Variants in ATP8A2 observed in about 807,000 individuals in gnomAD.
ATP8A2 encodes ATPase phospholipid transporting 8A2.
ATP8A2 carries 100 observed loss-of-function variants against 165.6 expected under a neutral mutation model. That is an observed-to-expected ratio of 0.60 (90% CI 0.51 to 0.71). ATP8A2 has a LOEUF of 0.71. ATP8A2 is among the 30% of genes least tolerant of loss of function. ATP8A2 has a pLI of 0.00. For missense variants in ATP8A2, 1,227 were observed against 1,479.5 expected, an observed-to-expected ratio of 0.83 and a Z score of 2.80; for synonymous variants, 543 against 548.8, an observed-to-expected ratio of 0.99 and a Z score of 0.15.
intron 33 of ATP8A2, among the ~76,000 whole-genome samples, chr13:25,865,973 A>G (rs937180581): frequency 8.5e-5 from 13 of 152,216 alleles, no homozygotes; most frequent in African/African-American, 3.1e-4. Context: ...ACCATGAGAT[A>G]AAATGGGTCC....
Position 26,023,966 on chromosome 13 carries a change from G to T in ATP8A2, c.*3981G>T. 6.6e-6 allele frequency: 1 copy of T among 152,118 alleles called. No individual in the cohort carries two copies. Among genetic ancestry groups the T allele is most frequent in the East Asian group, 1.9e-4 (1 of 5,194 alleles). The allele number at this position is 152,118 out of a possible 1,614,324, so 9.4% of individuals were successfully genotyped here. A position where few individuals can be genotyped will look rare whatever the true frequency, so the allele number is the denominator to read the frequency against. ...AGTTTATCAGGTCGAGTCAAAACAT[G>T]GCATCCCCTGTTACACTCAAGAAAT... On this transcript the variant is annotated 3_prime_UTR_variant, in exon 37 of 37. Coordinates refer to ENST00000381655, the MANE Select transcript of ATP8A2 (RefSeq NM_016529.6).
chr13:25,584,901 A>G (rs149472247), intron 23 of ATP8A2, among the ~76,000 whole-genome samples: 1 of 152,326 alleles, frequency 6.6e-6, no homozygotes, highest in East Asian at 1.9e-4. Context: ...GGTATGTACC[A>G]TAAGAGTTCA....
At chr13:25,623,494 T>G (rs1316676897) in intron 24 of ATP8A2, among the ~76,000 whole-genome samples, 2 of 152,176 alleles carry the variant, frequency 1.3e-5, no homozygotes, top group East Asian at 1.9e-4. Context: ...CCACCTTTTT[T>G]TGTGTGTTTT....
At chr13:25,465,199 G>A (rs1421103579) in intron 1 of ATP8A2, among the ~76,000 whole-genome samples, 3 of 152,096 alleles carry the variant, frequency 2.0e-5, no homozygotes, top group African/African-American at 4.8e-5. Context: ...TGCTGTAGAT[G>A]GTGTAATGTT....
At chr13:25,664,076 G>T (rs1218200135) in intron 24 of ATP8A2, among the ~76,000 whole-genome samples, 1 of 152,094 alleles carries the variant, frequency 6.6e-6, no homozygotes, top group Non-Finnish European at 1.5e-5. Context: ...TAGTGTGGTG[G>T]CAGGCGCCTG....
chr13:25,632,590 A>G (rs929629662), intron 24 of ATP8A2, among the ~76,000 whole-genome samples: 19 of 152,074 alleles, frequency 1.2e-4, no homozygotes, highest in African/African-American at 4.3e-4. Context: ...CTTTTGCTCT[A>G]ATGTTTCTAT....
At chr13:25,763,406 C>T (rs191214993) in intron 25 of ATP8A2, among the ~76,000 whole-genome samples, 2 of 152,276 alleles carry the variant, frequency 1.3e-5, no homozygotes, top group Non-Finnish European at 2.9e-5. Context: ...TACAGCTCCT[C>T]GCCATGTGTA....
At position 25,613,731 on chromosome 13, in the gene ATP8A2, T is replaced by C. The variant is rs1248222304; in HGVS notation, c.2211+24032T>C. Among the ~76,000 whole-genome samples, 5 of 152,350 alleles carry C rather than the reference T, an allele frequency of 3.3e-5. No individual in the cohort carries two copies. The East Asian group carries it at 9.6e-4, about 29-fold the overall frequency. On this transcript the variant is annotated intron_variant, in intron 24 of 36. Transcript: ENST00000381655. ...CTCTGGATACAAAATTATTGACTGA[T>C]AATTGTCTTGTTTAAGGAGCTAAAG...
At position 25,937,376 on chromosome 13, in the gene ATP8A2, T is replaced by TTTTTTTTTTTTTC. The variant is rs1483699691; in HGVS notation, c.3184-24196_3184-24195insTTTTTTTTTCTTT. On this transcript the variant is annotated intron_variant, in intron 33 of 36. Transcript: ENST00000381655. ...ATTCTTTCTTTCTTTTTTTTTTTTT[T>TTTTTTTTTTTTTC]TTTGAACAGCCCAATGTAACTCCAT... is the stretch of plus-strand genomic sequence containing the variant. 2.5e-4 allele frequency among the ~76,000 whole-genome samples: 35 copies of TTTTTTTTTTTTTC among 142,702 alleles called. 2 individuals carry two copies. Among genetic ancestry groups the TTTTTTTTTTTTTC allele is most frequent in the Non-Finnish European group, 4.1e-4 (27 of 65,332 alleles). The allele number at this position is 142,702 out of a possible 152,430, so 93.6% of individuals were successfully genotyped here. A position where few individuals can be genotyped will look rare whatever the true frequency, so the allele number is the denominator to read the frequency against.
chr13:25,739,596 G>A (rs1211131629), intron 25 of ATP8A2, among the ~76,000 whole-genome samples: 1 of 151,712 alleles, frequency 6.6e-6, no homozygotes, highest in African/African-American at 2.4e-5. Context: ...GAAAATAGTG[G>A]AAAGACAGTT....
intron 33 of ATP8A2, among the ~76,000 whole-genome samples, chr13:25,884,056 G>C (rs1350047189): frequency 2.0e-5 from 3 of 152,140 alleles, no homozygotes; most frequent in Non-Finnish European, 4.4e-5. Context: ...TGAGAAATGG[G>C]GTTCTTCAGA....
At chr13:25,919,757 C>T (rs1216576952) in intron 33 of ATP8A2, among the ~76,000 whole-genome samples, 1 of 152,092 alleles carries the variant, frequency 6.6e-6, no homozygotes, top group Non-Finnish European at 1.5e-5. Context: ...CCTCTCTGTA[C>T]TTTTGTCAGT....
intron 23 of ATP8A2, among the ~76,000 whole-genome samples, chr13:25,584,732 A>C (rs866902720): frequency 2.6e-5 from 4 of 152,182 alleles, no homozygotes; most frequent in African/African-American, 9.7e-5. Flanking sequence ...TAGCTTTTGC[A>C]AAAAATGCTT....
chr13:25,506,465 G>C (rs2037039147), intron 2 of ATP8A2, among the ~76,000 whole-genome samples: 1 of 152,198 alleles, frequency 6.6e-6, no homozygotes, highest in Admixed American at 6.5e-5. Context: ...TTGGACATTT[G>C]CGTATTTCAG....
intron 1 of ATP8A2, among the ~76,000 whole-genome samples, chr13:25,436,980 T>C (rs2034797685): frequency 6.6e-6 from 1 of 152,104 alleles, no homozygotes; most frequent in African/African-American, 2.4e-5. Flanking sequence ...TTTCACCATG[T>C]TGCCCAGGCT....
intron 33 of ATP8A2, among the ~76,000 whole-genome samples, chr13:25,946,552 T>C (rs1955217434): frequency 1.3e-5 from 2 of 152,264 alleles, no homozygotes; most frequent in African/African-American, 2.4e-5. Context: ...AACCCAGATA[T>C]ACATTCTTGA....
intron 12 of ATP8A2, among the ~76,000 whole-genome samples, chr13:25,554,278 C>G (rs916516806): frequency 3.3e-5 from 5 of 152,218 alleles, no homozygotes; most frequent in Non-Finnish European, 7.4e-5. Flanking sequence ...TATCAAAATT[C>G]ATTGTGATAG....
rs539436555 is a variant in ATP8A2, at chr13:25,773,841, G to A, written c.2569-1008G>A. On this transcript the variant is annotated intron_variant, in intron 26 of 36. Coordinates refer to ENST00000381655, the MANE Select transcript of ATP8A2 (RefSeq NM_016529.6). Reference sequence around the variant, plus strand: ...TGTGTGTGTCTGCCTGTATGTGTCTGTTTATCTGTGCCTGTTATGTGTCTC... The same window carrying A: ...TGTGTGTGTCTGCCTGTATGTGTCTATTTATCTGTGCCTGTTATGTGTCTC... Among the ~76,000 whole-genome samples the A allele has an allele frequency of 2.6e-5, 4 of 152,184 alleles. No individual in the cohort carries two copies. The South Asian group carries it at 8.3e-4, about 32-fold the overall frequency.
At chr13:25,765,234 A>G (rs576268273) in intron 25 of ATP8A2, among the ~76,000 whole-genome samples, 1 of 152,342 alleles carries the variant, frequency 6.6e-6, no homozygotes, top group South Asian at 2.1e-4. Flanking sequence ...CAGTCAACTG[A>G]ATGCTTTTGG....
Sources: allele counts gnomAD v4.1 joint callset (sites outside exome capture counted in the v4.1 genomes callset), GRCh38; gene constraint gnomAD v4.1.1; transcripts MANE v1.5; gene names NCBI Gene and HGNC (gene_info 2026-07-23, HGNC 2026-07-21).